Variants in VPS13B observed in about 807,000 individuals in gnomAD.
VPS13B encodes vacuolar protein sorting 13 homolog B.
VPS13B carries 285 observed loss-of-function variants against 426.4 expected under a neutral mutation model. The observed-to-expected ratio is 0.67, with a 90% confidence interval of 0.61 to 0.74. The LOEUF is 0.74. VPS13B is among the 30% of genes least tolerant of loss of function. The probability of loss-of-function intolerance (pLI) is 0.00; values close to 1 mark genes in which losing one functional copy is unlikely to be tolerated. For missense variants in VPS13B, 4,537 were observed against 4,782.6 expected (o/e 0.95, Z 1.51); for synonymous variants, 1,676 against 1,676.4 (o/e 1.00, Z 0.01).
intron 36 of VPS13B, among the ~76,000 whole-genome samples, chr8:99,714,305 T>C (rs149542858): frequency 6.6e-6 from 1 of 152,086 alleles, no homozygotes; most frequent in Non-Finnish European, 1.5e-5. Context: ...CTGATATAAA[T>C]AAATAATTGA....
chr8:99,507,038 T>A, intron 27 of VPS13B, 99 bp from the exon 28 acceptor site: 1 of 1,260,816 alleles, frequency 7.9e-7, no homozygotes, highest in Non-Finnish European at 1.2e-6. Context: ...TTCAGTGCAG[T>A]GTTGTGAACT....
intron 58 of VPS13B, among the ~76,000 whole-genome samples, 175 bp downstream of exon 58, chr8:99,862,121 C>G (rs981298921): frequency 6.6e-6 from 1 of 152,252 alleles, no homozygotes; most frequent in Non-Finnish European, 1.5e-5. Flanking sequence ...CCTGCACAGC[C>G]GCACATGCAG....
At chr8:99,118,238 A>G (rs1017560675) in intron 7 of VPS13B, among the ~76,000 whole-genome samples, 4 of 152,136 alleles carry the variant, frequency 2.6e-5, no homozygotes, top group Admixed American at 6.5e-5. Flanking sequence ...TTCTGTTACA[A>G]TTGCTTCATC....
intron 23 of VPS13B, among the ~76,000 whole-genome samples, chr8:99,453,091 A>G (rs1437160497): frequency 6.6e-5 from 10 of 152,224 alleles, no homozygotes; most frequent in Admixed American, 5.9e-4. Flanking sequence ...CTGTTGTTGG[A>G]TTTAGTGAGT....
chr8:99,571,899 G>C (rs1391496902), intron 31 of VPS13B, among the ~76,000 whole-genome samples: 3 of 152,096 alleles, frequency 2.0e-5, no homozygotes, highest in Admixed American at 6.5e-5. Context: ...AGAACCAGAT[G>C]ATCCAATTTG....
chr8:99,014,110 CT>C (rs1211028912), intron 2 of VPS13B, among the ~76,000 whole-genome samples, 175 bp downstream of exon 2: 89 of 72,298 alleles, frequency 1.2e-3, no homozygotes, highest in East Asian at 5.7e-3. Context: ...TTCTTTCTTT[CT>C]TTTTTTTTTT....
At chr8:99,727,683 T>A (rs1404837290) in intron 39 of VPS13B, among the ~76,000 whole-genome samples, 2 of 152,200 alleles carry the variant, frequency 1.3e-5, no homozygotes, top group African/African-American at 4.8e-5. Context: ...ACTGGTTCCC[T>A]CCCACAACAC....
At chr8:99,830,815 A>C (rs908732377) in intron 51 of VPS13B, among the ~76,000 whole-genome samples, 1 of 151,990 alleles carries the variant, frequency 6.6e-6, no homozygotes, top group African/African-American at 2.4e-5. Context: ...ACCATCCCTC[A>C]CAGCACAGTC....
chr8:99,110,479 T>G (rs927232424), intron 5 of VPS13B, among the ~76,000 whole-genome samples: 1 of 152,104 alleles, frequency 6.6e-6, no homozygotes, highest in African/African-American at 2.4e-5. Flanking sequence ...CACTAGACCT[T>G]TCTGTGATAA....
intron 3 of VPS13B, among the ~76,000 whole-genome samples, chr8:99,090,690 G>T: frequency 6.6e-6 from 1 of 151,930 alleles, no homozygotes; most frequent in Non-Finnish European, 1.5e-5. Context: ...TCCTGAAGGT[G>T]CCTAACACAT....
intron 17 of VPS13B, among the ~76,000 whole-genome samples, chr8:99,240,409 C>T (rs943211502): frequency 1.3e-5 from 2 of 152,078 alleles, no homozygotes; most frequent in African/African-American, 2.4e-5. Flanking sequence ...GATACAGCAG[C>T]AATGTTAGGT....
intron 15 of VPS13B, among the ~76,000 whole-genome samples, chr8:99,161,023 A>G (rs1235588155): frequency 6.6e-6 from 1 of 152,198 alleles, no homozygotes; most frequent in Non-Finnish European, 1.5e-5. Flanking sequence ...CATTGGGGCC[A>G]TTATTTTAGT....
chr8:99,857,152 C>G (rs527784113), intron 56 of VPS13B, among the ~76,000 whole-genome samples: 2 of 152,326 alleles, frequency 1.3e-5, no homozygotes, highest in East Asian at 3.9e-4. Flanking sequence ...AGATGTAGCT[C>G]TGGCCTACAC....
At chr8:99,341,880 GGCCAAACCGCA>G (rs1333077634) in intron 19 of VPS13B, 1 of 167,902 alleles carries the variant, frequency 6.0e-6, no homozygotes, top group African/African-American at 2.4e-5. Context: ...CTAGCTGCAA[GGCCAAACCGCA>G]GCCTGGCCTG....
At chr8:99,362,994 T>A (rs1472159991) in intron 19 of VPS13B, among the ~76,000 whole-genome samples, 1 of 152,218 alleles carries the variant, frequency 6.6e-6, no homozygotes, top group African/African-American at 2.4e-5. Flanking sequence ...ATTGTTTCCT[T>A]TGCTGTACAG....
chr8:99,222,747 A>T (rs1815796746), intron 17 of VPS13B, among the ~76,000 whole-genome samples: 1 of 152,160 alleles, frequency 6.6e-6, no homozygotes, highest in South Asian at 2.1e-4. Flanking sequence ...CATGAGGCAA[A>T]TAGTTGTTAA....
At position 99,357,368 on chromosome 8, in the gene VPS13B, G is replaced by A. The variant is rs141727927; in HGVS notation, c.2825-26840G>A. Among the ~76,000 whole-genome samples the A allele has an allele frequency of 5.0e-4, 76 of 151,850 alleles. 1 individual carries two copies. Among genetic ancestry groups the A allele is most frequent in the African/African-American group, 7.7e-4 (32 of 41,402 alleles). On this transcript the variant is annotated intron_variant, in intron 19 of 61. Coordinates refer to ENST00000357162, the MANE Select transcript of VPS13B (RefSeq NM_152564.5). ...TAATATCTTATTTTTTTCATTAACC[G>A]TTGGTAACTAGTCATTTTACTTTTT...
intron 23 of VPS13B, 77 bp from the exon 24 acceptor site, chr8:99,467,337 T>C: frequency 7.2e-7 from 1 of 1,396,760 alleles, no homozygotes; most frequent in Non-Finnish European, 1.0e-6. Flanking sequence ...TTAAATGTTT[T>C]ACATTTTACT....
Position 99,121,226 on chromosome 8 carries a change from A to C in VPS13B, c.987A>C (p.Lys329Asn). 6.2e-7 allele frequency: 1 copy of C among 1,614,046 alleles called. No individual in the cohort carries two copies. The highest frequency in any genetic ancestry group is 8.5e-7 in the Non-Finnish European group (1 of 1,179,964). The change falls in exon 8 of 62, where the codon AAA becomes AAC. Residue 329 changes from lysine (K) to asparagine (N), a missense_variant. Physicochemically the swap from Lys to Asn is moderately conservative, Grantham distance 94. Transcript: ENST00000357162. Reference protein sequence around the residue: ...RIDMQYPAQHKGQELYSQQDE... With the variant: ...RIDMQYPAQHNGQELYSQQDE... Reference sequence around the variant, plus strand: ...ATATGCAATATCCTGCTCAGCATAAAGGTCAAGAGTTATATTCACAGCAAG... The same window carrying C: ...ATATGCAATATCCTGCTCAGCATAACGGTCAAGAGTTATATTCACAGCAAG...
Sources: allele counts gnomAD v4.1 joint callset (sites outside exome capture counted in the v4.1 genomes callset), GRCh38; gene constraint gnomAD v4.1.1; transcripts MANE v1.5; gene names NCBI Gene and HGNC (gene_info 2026-07-23, HGNC 2026-07-21).